FRMD5: variants seen among roughly 807,000 people sequenced by gnomAD.
FRMD5 encodes the protein FERM domain-containing protein 5.
A neutral mutation model predicts 69.0 loss-of-function variants in FRMD5; 20 were observed. That is an observed-to-expected ratio of 0.29 (90% CI 0.20 to 0.42). The LOEUF (loss-of-function observed/expected upper bound fraction) is 0.42, where lower values mean the gene tolerates loss of function less well. Ranked by LOEUF, FRMD5 falls within the 10% of genes least tolerant of loss-of-function variation. The pLI, the probability that FRMD5 is intolerant of heterozygous loss-of-function variation, is 1.00. For synonymous variants in FRMD5, 271 were observed against 260.1 expected (o/e 1.04, Z -0.40); for missense variants, 595 against 708.6 (o/e 0.84, Z 1.82).
At chr15:44,177,326 C>G (rs2077916180) in intron 1 of FRMD5, among the ~76,000 whole-genome samples, 1 of 152,074 alleles carries the variant, frequency 6.6e-6, no homozygotes, top group South Asian at 2.1e-4. Context: ...TGTCCATCAA[C>G]TGATGAATAA....
chr15:43,984,990 A>C (rs1889315568), intron 1 of FRMD5, among the ~76,000 whole-genome samples: 1 of 150,672 alleles, frequency 6.6e-6, no homozygotes, highest in Non-Finnish European at 1.5e-5. Context: ...TAGAAAAAAA[A>C]AAAAACAAGG....
chr15:44,084,537 C>T (rs903622408), intron 1 of FRMD5, among the ~76,000 whole-genome samples: 37 of 152,090 alleles, frequency 2.4e-4, no homozygotes, highest in Non-Finnish European at 5.0e-4. Context: ...ATAAATCTAT[C>T]TCCTTGCAAC....
intron 1 of FRMD5, among the ~76,000 whole-genome samples, chr15:44,003,765 C>T (rs1269196739): frequency 6.6e-6 from 1 of 152,222 alleles, no homozygotes; most frequent in Admixed American, 6.5e-5. Flanking sequence ...TTTCCTTACC[C>T]TACTCTATGT....
rs1376666886 is a variant in FRMD5, at chr15:44,059,153, C to T, written c.103-134844G>A. Among the ~76,000 whole-genome samples the T allele has an allele frequency of 3.3e-5, 5 of 152,142 alleles. No homozygotes were observed. The East Asian group carries it at 5.8e-4, about 18-fold the overall frequency. On this transcript the variant is annotated intron_variant, in intron 1 of 13. Transcript: ENST00000417257. ...ACTACAGAAGGGACCTGGGAGTGAG[C>T]GGATTATTCAACTCAACAGAACATT...
intron 1 of FRMD5, among the ~76,000 whole-genome samples, chr15:43,944,778 ATAGT>A (rs975180591): frequency 1.3e-5 from 2 of 152,038 alleles, no homozygotes; most frequent in African/African-American, 4.8e-5. Context: ...CCACGCATAC[ATAGT>A]TAAAGGGTCA....
In FRMD5 at chr15:44,019,737, C is replaced by CAAA. The variant is rs1189890743; in HGVS notation, c.103-95431_103-95429dup. Among the ~76,000 whole-genome samples, 72 of 23,458 alleles carry CAAA rather than the reference C, an allele frequency of 3.1e-3. 2 individuals are homozygous for CAAA. The highest frequency in any genetic ancestry group is 8.4e-3 in the African/African-American group (53 of 6,306). 15.4% of individuals were successfully genotyped at this position (23,458 alleles called of 152,430 possible). A position where few individuals can be genotyped will look rare whatever the true frequency, so the allele number is the denominator to read the frequency against. ...GGGCAATGAGAGCAAGAGTCTGTCT[C>CAAA]AAAAAAAAAAAAAAAAAAAAAAAAG... is the stretch of plus-strand genomic sequence containing the variant. On this transcript the variant is annotated intron_variant, in intron 1 of 13. Coordinates refer to ENST00000417257, the MANE Select transcript of FRMD5 (RefSeq NM_032892.5).
chr15:43,910,839 CCATT>C (rs1163410473), intron 4 of FRMD5, among the ~76,000 whole-genome samples: 2 of 152,146 alleles, frequency 1.3e-5, no homozygotes, highest in South Asian at 2.1e-4. Flanking sequence ...GTTATTATCC[CCATT>C]ATTACAGATA....
At chr15:44,022,792 A>G (rs1405818791) in intron 1 of FRMD5, among the ~76,000 whole-genome samples, 5 of 152,126 alleles carry the variant, frequency 3.3e-5, no homozygotes, top group Non-Finnish European at 7.4e-5. Context: ...CACATGTGAA[A>G]TGGAAGAGCC....
chr15:44,104,697 T>C (rs1238491154), intron 1 of FRMD5, among the ~76,000 whole-genome samples: 1 of 152,206 alleles, frequency 6.6e-6, no homozygotes, highest in Non-Finnish European at 1.5e-5. Context: ...CTATACCACA[T>C]AACCTGGGTA....
intron 1 of FRMD5, among the ~76,000 whole-genome samples, chr15:44,154,922 G>A (rs997727216): frequency 6.6e-6 from 1 of 151,954 alleles, no homozygotes; most frequent in Non-Finnish European, 1.5e-5. Context: ...TGAATTGTAG[G>A]ACATGTGAAT....
At chr15:44,035,457 A>G (rs964191561) in intron 1 of FRMD5, among the ~76,000 whole-genome samples, 1 of 152,186 alleles carries the variant, frequency 6.6e-6, no homozygotes, top group Non-Finnish European at 1.5e-5. Context: ...ACTGGCTGTG[A>G]GTCAAACACA....
At chr15:44,110,071 A>AT (rs993954198) in intron 1 of FRMD5, among the ~76,000 whole-genome samples, 4 of 151,784 alleles carry the variant, frequency 2.6e-5, no homozygotes, top group Admixed American at 6.6e-5. Context: ...TTTGTATGTA[A>AT]TTTTTTTGTA....
intron 1 of FRMD5, among the ~76,000 whole-genome samples, chr15:43,979,180 A>T (rs1015149636): frequency 6.6e-6 from 1 of 152,108 alleles, no homozygotes. Context: ...TCTACCAAAA[A>T]AATACAAAAT....
intron 1 of FRMD5, among the ~76,000 whole-genome samples, chr15:44,127,536 T>C (rs768735332): frequency 6.6e-6 from 1 of 152,130 alleles, no homozygotes; most frequent in Non-Finnish European, 1.5e-5. Flanking sequence ...CAATCTCAAC[T>C]TCATTGCTCT....
At chr15:43,901,628 G>A (rs2089047770) in intron 7 of FRMD5, among the ~76,000 whole-genome samples, 1 of 152,182 alleles carries the variant, frequency 6.6e-6, no homozygotes, top group South Asian at 2.1e-4. Context: ...GTGACTGGCT[G>A]CCCCCGCTCA....
upstream of FRMD5, among the ~76,000 whole-genome samples, chr15:44,196,477 A>G (rs1566999244): frequency 1.3e-5 from 2 of 152,028 alleles, no homozygotes; most frequent in Admixed American, 1.3e-4. Context: ...AAAAAAAAAA[A>G]TAATCGTGTC....
Position 43,999,909 on chromosome 15 carries a change from T to TTGTG in FRMD5, c.103-75604_103-75601dup, listed in dbSNP as rs199963431. Among the ~76,000 whole-genome samples, 451 of 137,522 alleles carry TTGTG rather than the reference T, an allele frequency of 3.3e-3. 16 individuals are homozygous for TTGTG. The highest frequency in any genetic ancestry group is 0.012 in the African/African-American group (427 of 35,344). The allele number at this position is 137,522 out of a possible 152,430, so 90.2% of individuals were successfully genotyped here. On this transcript the variant is annotated intron_variant, in intron 1 of 13. Transcript: ENST00000417257. ...ACATACATGATATACCATTTTATAT[T>TTGTG]TGTGTGTGTGTATGTATATATATAT... is the stretch of plus-strand genomic sequence containing the variant.
chr15:43,900,199 C>T (rs1166885868), intron 7 of FRMD5, among the ~76,000 whole-genome samples: 2 of 152,136 alleles, frequency 1.3e-5, no homozygotes, highest in Non-Finnish European at 2.9e-5. Context: ...CCAAAGGCCC[C>T]AGTAAACAGG....
chr15:43,967,373 T>C (rs965598167), intron 1 of FRMD5, among the ~76,000 whole-genome samples: 5 of 151,936 alleles, frequency 3.3e-5, no homozygotes, highest in African/African-American at 9.7e-5. Flanking sequence ...GCTGGGACTA[T>C]AGGCATGTGC....
Sources: gnomAD v4.1 joint callset for allele counts (sites outside exome capture counted in the v4.1 genomes callset) on GRCh38, gnomAD v4.1.1 for gene constraint, MANE v1.5 for transcripts, NCBI Gene and HGNC (gene_info 2026-07-23, HGNC 2026-07-21) for gene names.